KLK5: variants seen among roughly 807,000 people sequenced by gnomAD.
KLK5 encodes the protein kallikrein related peptidase 5.
KLK5 carries 18 observed loss-of-function variants against 24.0 expected under a neutral mutation model. The observed-to-expected ratio is 0.75, with a 90% confidence interval of 0.52 to 1.11. The LOEUF (loss-of-function observed/expected upper bound fraction) is 1.11, where lower values mean the gene tolerates loss of function less well. Among genes scored for constraint, KLK5 ranks in the 50% most tolerant of loss-of-function variants. The probability of loss-of-function intolerance (pLI) is 0.00; values close to 1 mark genes in which losing one functional copy is unlikely to be tolerated. For missense variants in KLK5, 374 were observed against 379.2 expected, an observed-to-expected ratio of 0.99 and a Z score of 0.11; for synonymous variants, 140 against 154.0, an observed-to-expected ratio of 0.91 and a Z score of 0.67.
intron 5 of KLK5, among the ~76,000 whole-genome samples, chr19:50,945,630 G>GGA (rs2090625042): frequency 8.5e-6 from 1 of 118,196 alleles, no homozygotes; most frequent in Non-Finnish European, 1.8e-5. Context: ...CCATCTCTAC[G>GGA]GAAAAAAAAA....
chr19:50,950,405 CA>C (rs2090676920), intron 2 of KLK5: 2 of 473,990 alleles, frequency 4.2e-6, no homozygotes, highest in Non-Finnish European at 3.9e-6. Context: ...TGGACAAGCT[CA>C]GGGGTAGTGC....
chr19:50,943,553 G>A lies in KLK5; in HGVS notation c.*78C>T. The stretch of plus-strand genomic sequence containing the variant: ...TGAACATTCTCAACATCTCTGGGAA[G>A]GAATGAGGGTCTGAAAGGAGTGTCA... On this transcript the variant is annotated 3_prime_UTR_variant, in exon 6 of 6. Transcript: ENST00000336334. The A allele has an allele frequency of 3.1e-6, 4 of 1,308,256 alleles. No homozygotes were observed. Among genetic ancestry groups the A allele is most frequent in the African/African-American group, 1.5e-5 (1 of 68,876 alleles). The allele number at this position is 1,308,256 out of a possible 1,614,324, so 81.0% of individuals were successfully genotyped here.
chr19:50,949,642 C>A (rs1460742622), intron 3 of KLK5, among the ~76,000 whole-genome samples: 1 of 151,992 alleles, frequency 6.6e-6, no homozygotes, highest in Non-Finnish European at 1.5e-5. Context: ...TGCTCCCCCG[C>A]AAAACTCCAT....
intron 5 of KLK5, among the ~76,000 whole-genome samples, chr19:50,946,902 AC>A (rs927415617): frequency 2.8e-5 from 4 of 142,852 alleles, no homozygotes; most frequent in African/African-American, 7.6e-5. Context: ...CTCGCAACCC[AC>A]CCCCCCACAC....
chr19:50,952,546 C>T (rs1187886743), intron 2 of KLK5, 39 bp downstream of exon 2: 3 of 1,507,326 alleles, frequency 2.0e-6, no homozygotes, highest in Non-Finnish European at 2.7e-6. Context: ...AGACAGTCCT[C>T]CCAATCCCAC....
intron 3 of KLK5, 49 bp from the exon 4 acceptor site, chr19:50,949,164 G>T: frequency 8.9e-6 from 14 of 1,575,448 alleles, no homozygotes; most frequent in Non-Finnish European, 1.1e-5. Context: ...CTATCTCCAC[G>T]TCCAACGCCA....
chr19:50,944,962 CTT>C (rs1027284454), intron 5 of KLK5, among the ~76,000 whole-genome samples: 9 of 151,830 alleles, frequency 5.9e-5, no homozygotes, highest in African/African-American at 2.2e-4. Context: ...CTTCCTCTCT[CTT>C]TTCTTTCTTC....
At chr19:50,946,503 A>G (rs1225419257) in intron 5 of KLK5, among the ~76,000 whole-genome samples, 2 of 152,222 alleles carry the variant, frequency 1.3e-5, no homozygotes, top group Non-Finnish European at 2.9e-5. Flanking sequence ...AACCTTGCCT[A>G]CAGAAAGGCT....
Position 50,943,525 on chromosome 19 carries a change from A to G in KLK5, c.*106T>C. The G allele has an allele frequency of 9.2e-7, 1 of 1,089,272 alleles. No individual in the cohort carries two copies. The highest frequency in any genetic ancestry group is 1.5e-5 in the South Asian group (1 of 68,174). The allele number at this position is 1,089,272 out of a possible 1,614,324, so 67.5% of individuals were successfully genotyped here. A position where few individuals can be genotyped will look rare whatever the true frequency, so the allele number is the denominator to read the frequency against. On this transcript the variant is annotated 3_prime_UTR_variant, in exon 6 of 6. Transcript: ENST00000336334. ...GGAGACATGGGGTCAGGGGCTGGAGAGATGAACATTCTCAACATCTCTGGG... is the reference window on the plus strand; with the variant it reads ...GGAGACATGGGGTCAGGGGCTGGAGGGATGAACATTCTCAACATCTCTGGG...
intron 3 of KLK5, among the ~76,000 whole-genome samples, chr19:50,949,510 T>C (rs2090664972): frequency 6.7e-6 from 1 of 149,742 alleles, no homozygotes; most frequent in Non-Finnish European, 1.5e-5. Flanking sequence ...CCAATCCCAA[T>C]TCCACCTCCA....
Position 50,952,521 on chromosome 19 carries a change from G to C in KLK5, c.73+64C>G, listed in dbSNP as rs139397663. The stretch of plus-strand genomic sequence containing the variant: ...TCACACAGTTCCCCAGGGGACAGGC[G>C]CTCTAGTGCCGCAGAGACAGTCCTC... On this transcript the variant is annotated intron_variant, in intron 2 of 5. Coordinates refer to ENST00000336334, the MANE Select transcript of KLK5 (RefSeq NM_012427.5). The C allele has an allele frequency of 4.9e-4, 609 of 1,249,728 alleles. 4 individuals carry two copies. In the East Asian group the frequency reaches 0.012, roughly 25 times the overall value. The allele number at this position is 1,249,728 out of a possible 1,614,324, so 77.4% of individuals were successfully genotyped here. A position where few individuals can be genotyped will look rare whatever the true frequency, so the allele number is the denominator to read the frequency against.
At position 50,950,069 on chromosome 19, in the gene KLK5, T is replaced by A. The variant is rs1381719595; in HGVS notation, c.121A>T (p.Thr41Ser). 1 of 1,612,980 alleles carries A rather than the reference T, an allele frequency of 6.2e-7. No homozygotes were observed. The highest frequency in any genetic ancestry group is 2.2e-5 in the East Asian group (1 of 44,842). The change falls in exon 3 of 6, where the codon ACC (threonine) becomes TCC (serine). Residue 41 changes from threonine to serine, a missense_variant. By Grantham distance (58) the Thr-to-Ser change is moderately conservative. Transcript: ENST00000336334. Reference protein sequence around the residue: ...NDVSCDHPSNTVPSGSNQDLG... With the variant: ...NDVSCDHPSNSVPSGSNQDLG... ...TCCTGGTTGCTCCCAGAGGGCACGG[T>A]GTTAGAGGGGTGGTCACAGGAAACA...
rs1221892821 is a variant in KLK5 at position 50,943,755 on chromosome 19, C to A, written c.758G>T (p.Gly253Val). 1.9e-6 allele frequency: 3 copies of A among 1,613,452 alleles called. No homozygotes were observed. In the African/African-American group the frequency reaches 4.0e-5, roughly 22 times the overall value. ...GDSGGPVVCNGSLQGLVSWGD... is the reference protein window; with the variant it reads ...GDSGGPVVCNVSLQGLVSWGD... ...CCAGGACACGAGTCCCTGCAGGGAG[C>A]CATTGCAGACCACAGGCCCCCCAGA... Residue 253 changes from glycine (G) to valine (V), a missense_variant, in exon 6 of 6, where the codon GGC becomes GTC. By Grantham distance (109) the Gly-to-Val change is moderately radical. Coordinates refer to ENST00000336334, the MANE Select transcript of KLK5 (RefSeq NM_012427.5).
Position 50,948,686 on chromosome 19 carries a change from T to C in KLK5, c.680A>G (p.Asp227Gly). ...TTTGTCACCGGCGCAGAACATGGTG[T>C]CATCTATCTGTCTCGGGTAAGCATC... ...CEDAYPRQID[D>G]TMFCAGDKAG... is the part of the protein sequence containing the mutation. The change falls in exon 5 of 6, where the codon GAC (aspartate) becomes GGC (glycine). Residue 227 changes from aspartate (D) to glycine (G), a missense_variant. By Grantham distance (94) the Asp-to-Gly change is moderately conservative (BLOSUM62 -1). Transcript: ENST00000336334. The C allele has an allele frequency of 6.2e-7, 1 of 1,614,174 alleles. No homozygotes were observed. Among genetic ancestry groups the C allele is most frequent in the South Asian group, 1.1e-5 (1 of 91,082 alleles).
rs2123568773 is a variant in KLK5 at position 50,949,134 on chromosome 19, G to A, written c.336-19C>T. On this transcript the variant is annotated intron_variant, in intron 3 of 5. Transcript: ENST00000336334. ...GAAAACTCTGAGGAAGATGGGGCAG[G>A]TCACCACCAACCCTGATCTCTATCT... 6.2e-7 allele frequency: 1 copy of A among 1,607,258 alleles called. No individual in the cohort carries two copies. The highest frequency in any genetic ancestry group is 1.3e-5 in the African/African-American group (1 of 74,742).
chr19:50,945,790 C>CAA (rs1009847136), intron 5 of KLK5, among the ~76,000 whole-genome samples: 2 of 52,240 alleles, frequency 3.8e-5, no homozygotes, highest in Non-Finnish European at 7.1e-5. Context: ...GACTCCGTCT[C>CAA]AAAAAAGAAA....
chr19:50,950,341 A>G (rs1359882693), intron 2 of KLK5: 1 of 585,502 alleles, frequency 1.7e-6, no homozygotes. Context: ...GACCTCACAG[A>G]TTCCTGGAAT....
chr19:50,952,693 G>A, intron 1 of KLK5, 25 bp from the exon 2 acceptor site: 1 of 1,538,084 alleles, frequency 6.5e-7, no homozygotes, highest in Non-Finnish European at 8.8e-7. Flanking sequence ...TCAGAGGGTT[G>A]GGAGGCCCAG....
intron 2 of KLK5, 33 bp downstream of exon 2, chr19:50,952,552 C>T: frequency 6.6e-7 from 1 of 1,524,756 alleles, no homozygotes; most frequent in Non-Finnish European, 9.0e-7. Flanking sequence ...TCCTCCCAAT[C>T]CCACAACCCT....
Sources: gnomAD v4.1 joint callset for allele counts (sites outside exome capture counted in the v4.1 genomes callset) on GRCh38, gnomAD v4.1.1 for gene constraint, MANE v1.5 for transcripts, NCBI Gene and HGNC (gene_info 2026-07-23, HGNC 2026-07-21) for gene names.